Variants in OR2L13 observed in about 807,000 individuals in gnomAD.
The protein encoded by OR2L13 is olfactory receptor family 2 subfamily L member 13.
Under a neutral mutation model 15.3 loss-of-function variants are expected in OR2L13, and 14 were observed. That is an observed-to-expected ratio of 0.91 (90% CI 0.60 to 1.43). OR2L13 has a LOEUF of 1.43. Ranked by LOEUF, OR2L13 falls within the 40% of genes most tolerant of loss-of-function variation. OR2L13 has a pLI of 0.00. For missense variants in OR2L13, 367 were observed against 387.9 expected, an observed-to-expected ratio of 0.95 and a Z score of 0.45; for synonymous variants, 152 against 142.9, an observed-to-expected ratio of 1.06 and a Z score of -0.45.
At chr1:248,075,083 T>A in the OR2L13 span, among the ~76,000 whole-genome samples, 1 of 152,116 alleles carries the variant, frequency 6.6e-6, no homozygotes, top group East Asian at 1.9e-4. Context: ...CCAAGTGATC[T>A]CATCGTTCAA....
At chr1:248,070,687 G>A in the OR2L13 span, among the ~76,000 whole-genome samples, 2 of 152,054 alleles carry the variant, frequency 1.3e-5, no homozygotes, top group African/African-American at 4.8e-5. Context: ...GAATCCAGGA[G>A]CTGGTTTTTT....
At chr1:248,051,017 G>A in the OR2L13 span, among the ~76,000 whole-genome samples, 1 of 152,154 alleles carries the variant, frequency 6.6e-6, no homozygotes, top group East Asian at 1.9e-4. Context: ...TACTTAAGAG[G>A]AACACCATTT....
the OR2L13 span, among the ~76,000 whole-genome samples, chr1:248,073,334 G>A: frequency 6.6e-6 from 1 of 152,174 alleles, no homozygotes; most frequent in Non-Finnish European, 1.5e-5. Flanking sequence ...TAGGGACATG[G>A]ATGAAATTGG....
upstream of OR2L13, chr1:248,095,232 T>C (rs1378553496): frequency 6.6e-6 from 1 of 152,262 alleles, no homozygotes; most frequent in Non-Finnish European, 1.5e-5. Flanking sequence ...TAAAATGCCT[T>C]ATTCTGTTCT....
At chr1:248,027,031 G>A in the OR2L13 span, among the ~76,000 whole-genome samples, 1 of 152,202 alleles carries the variant, frequency 6.6e-6, no homozygotes, top group African/African-American at 2.4e-5. Flanking sequence ...GTGGAACAGA[G>A]CCATATTTCT....
chr1:248,013,976 G>A, the OR2L13 span, among the ~76,000 whole-genome samples: 1 of 152,080 alleles, frequency 6.6e-6, no homozygotes, highest in Non-Finnish European at 1.5e-5. Context: ...GATGATCAAT[G>A]GAAGAGATAG....
the OR2L13 span, among the ~76,000 whole-genome samples, chr1:247,987,473 CATT>C: frequency 1.3e-5 from 2 of 152,032 alleles, no homozygotes; most frequent in Admixed American, 6.6e-5. Flanking sequence ...TTGTCATTCT[CATT>C]ATTATCATGA....
At chr1:248,075,511 T>C in the OR2L13 span, among the ~76,000 whole-genome samples, 33 of 152,116 alleles carry the variant, frequency 2.2e-4, no homozygotes, top group African/African-American at 8.0e-4. Context: ...CTCTCCAGCA[T>C]CTGTTGTTTC....
chr1:247,938,475 A>G, the OR2L13 span, among the ~76,000 whole-genome samples: 1 of 152,350 alleles, frequency 6.6e-6, no homozygotes, highest in South Asian at 2.1e-4. Context: ...AACAGATCTG[A>G]GGATGATATA....
chr1:247,939,713 T>C, the OR2L13 span: 1 of 152,200 alleles, frequency 6.6e-6, no homozygotes, highest in Non-Finnish European at 1.5e-5. Flanking sequence ...AACCGAACCT[T>C]CTGTCTTTCT....
At chr1:247,944,682 C>T in the OR2L13 span, among the ~76,000 whole-genome samples, 6 of 152,128 alleles carry the variant, frequency 3.9e-5, no homozygotes, top group Non-Finnish European at 5.9e-5. Flanking sequence ...TGTATACGTA[C>T]CACAATTTCT....
upstream of OR2L13, among the ~76,000 whole-genome samples, chr1:248,091,646 T>C (rs894730055): frequency 3.3e-5 from 5 of 152,210 alleles, no homozygotes; most frequent in African/African-American, 1.2e-4. Flanking sequence ...TCTATGCATC[T>C]GTCATTGTAC....
chr1:247,975,132 A>G, the OR2L13 span: 1 of 393,658 alleles, frequency 2.5e-6, no homozygotes, highest in Non-Finnish European at 5.0e-6. Flanking sequence ...CCTCTCCACT[A>G]TCCCATCCAT....
At chr1:247,988,028 T>G in the OR2L13 span, among the ~76,000 whole-genome samples, 1 of 152,182 alleles carries the variant, frequency 6.6e-6, no homozygotes, top group African/African-American at 2.4e-5. Context: ...TTTTTAGAAG[T>G]GTTTTCAAGG....
At chr1:248,027,864 T>G in the OR2L13 span, among the ~76,000 whole-genome samples, 5 of 152,028 alleles carry the variant, frequency 3.3e-5, no homozygotes, top group African/African-American at 7.2e-5. Context: ...GCAGACTCCC[T>G]AAAAACATGT....
At chr1:247,973,335 AT>A in the OR2L13 span, among the ~76,000 whole-genome samples, 1 of 152,284 alleles carries the variant, frequency 6.6e-6, no homozygotes, top group East Asian at 1.9e-4. Flanking sequence ...AGGAAGTCCA[AT>A]TGCCTCTGTT....
chr1:248,068,248 C>G, the OR2L13 span, among the ~76,000 whole-genome samples: 1 of 152,120 alleles, frequency 6.6e-6, no homozygotes, highest in Admixed American at 6.6e-5. Context: ...AGGCACCCCC[C>G]AGTAGGGGCA....
At chr1:248,045,390 T>A in the OR2L13 span, among the ~76,000 whole-genome samples, 1 of 152,174 alleles carries the variant, frequency 6.6e-6, no homozygotes, top group Non-Finnish European at 1.5e-5. Flanking sequence ...ATTTCAAGAG[T>A]AAGTTGCTGA....
chr1:247,965,020 A>G, the OR2L13 span, among the ~76,000 whole-genome samples: 1 of 150,140 alleles, frequency 6.7e-6, no homozygotes, highest in Non-Finnish European at 1.5e-5. Context: ...ATAAATATAC[A>G]TTTACATATA....
Sources: gnomAD v4.1 joint callset for allele counts (sites outside exome capture counted in the v4.1 genomes callset) on GRCh38, gnomAD v4.1.1 for gene constraint, MANE v1.5 for transcripts, NCBI Gene and HGNC (gene_info 2026-07-23, HGNC 2026-07-21) for gene names.